The following PRKD1 variants were observed in gnomAD, a reference collection of about 807,000 sequenced individuals.
PRKD1 encodes serine/threonine-protein kinase D1.
In PRKD1, 63 loss-of-function variants were observed where a neutral mutation model predicts 95.9. That is an observed-to-expected ratio of 0.66 (90% confidence interval 0.54 to 0.81). The LOEUF is 0.81. Among genes scored for constraint, PRKD1 ranks in the 30% least tolerant of loss-of-function variants. The probability of loss-of-function intolerance (pLI) is 0.00; values close to 1 mark genes in which losing one functional copy is unlikely to be tolerated. For synonymous variants in PRKD1, 425 were observed against 423.1 expected (o/e 1.00, Z -0.05); for missense variants, 1,048 against 1,165.3 (o/e 0.90, Z 1.47).
At chr14:29,803,498 A>T (rs923465263) in intron 1 of PRKD1, among the ~76,000 whole-genome samples, 1 of 152,224 alleles carries the variant, frequency 6.6e-6, no homozygotes, top group African/African-American at 2.4e-5. Flanking sequence ...CATAGTTGGT[A>T]ACTCTGAAGG....
At chr14:29,683,791 T>C (rs990957182) in intron 2 of PRKD1, among the ~76,000 whole-genome samples, 1 of 152,248 alleles carries the variant, frequency 6.6e-6, no homozygotes, top group Non-Finnish European at 1.5e-5. Flanking sequence ...CTTTATATGT[T>C]AGATCTTATT....
chr14:29,785,717 A>C (rs1219881580), intron 1 of PRKD1, among the ~76,000 whole-genome samples: 1 of 151,730 alleles, frequency 6.6e-6, no homozygotes, highest in African/African-American at 2.4e-5. Flanking sequence ...GATATACCTA[A>C]TGCTAAATGA....
chr14:29,860,157 C>A (rs140894805), intron 1 of PRKD1, among the ~76,000 whole-genome samples: 105 of 152,330 alleles, frequency 6.9e-4, no homozygotes, highest in African/African-American at 2.4e-3. Context: ...CTACAATCTG[C>A]AAAACAAGTT....
intron 17 of PRKD1, 82 bp from the exon 18 acceptor site, chr14:29,577,538 CTA>C (rs1892600072): frequency 7.6e-7 from 1 of 1,313,724 alleles, no homozygotes; most frequent in South Asian, 1.2e-5. Flanking sequence ...TTTCTGCAAT[CTA>C]TGAGTTACCC....
chr14:29,631,116 A>C, intron 9 of PRKD1, 95 bp from the exon 10 acceptor site: 1 of 1,162,956 alleles, frequency 8.6e-7, no homozygotes, highest in Non-Finnish European at 1.2e-6. Context: ...ATGACATCAC[A>C]AATAGCCACC....
At chr14:29,773,541 A>G (rs775421889) in intron 1 of PRKD1, among the ~76,000 whole-genome samples, 15 of 151,804 alleles carry the variant, frequency 9.9e-5, no homozygotes, top group Admixed American at 2.0e-4. Context: ...TACATGATCC[A>G]TGAATTACCC....
intron 9 of PRKD1, among the ~76,000 whole-genome samples, chr14:29,632,648 G>C (rs913761434): frequency 6.6e-6 from 1 of 151,752 alleles, no homozygotes; most frequent in African/African-American, 2.4e-5. Flanking sequence ...CATGGTACCA[G>C]AAACACTCCC....
At chr14:29,746,742 C>T (rs948024914) in intron 1 of PRKD1, among the ~76,000 whole-genome samples, 2 of 152,048 alleles carry the variant, frequency 1.3e-5, no homozygotes, top group African/African-American at 2.4e-5. Context: ...ATTCAGTGAA[C>T]GAATTTTCAT....
intron 1 of PRKD1, among the ~76,000 whole-genome samples, chr14:29,838,056 CCT>C (rs777147070): frequency 2.7e-4 from 41 of 152,234 alleles, no homozygotes; most frequent in Middle Eastern, 3.4e-3. Flanking sequence ...CAAAACTCCC[CCT>C]GTTTGCATTC....
intron 4 of PRKD1, among the ~76,000 whole-genome samples, chr14:29,656,041 C>T (rs889183015): frequency 2.0e-5 from 3 of 152,070 alleles, no homozygotes; most frequent in South Asian, 2.1e-4. Context: ...CTTTGCATGC[C>T]TCTGTGGTAC....
chr14:29,598,168 C>T lies in PRKD1; in HGVS notation c.2167-410G>A, dbSNP rs531508041. On this transcript the variant is annotated intron_variant, in intron 15 of 17. Coordinates refer to ENST00000331968, the MANE Select transcript of PRKD1 (RefSeq NM_002742.3). ...GTGTGCAGCTATAGTCCCAGCTATT[C>T]GAGAGGCTGAGGTGAGAGGATTGAT... Among the ~76,000 whole-genome samples the T allele has an allele frequency of 1.4e-4, 21 of 151,750 alleles. No homozygotes were observed. The East Asian group carries it at 3.3e-3, about 24-fold the overall frequency.
At chr14:29,736,422 A>G (rs1374526719) in intron 1 of PRKD1, among the ~76,000 whole-genome samples, 1 of 152,226 alleles carries the variant, frequency 6.6e-6, no homozygotes, top group East Asian at 1.9e-4. Flanking sequence ...TTGGGGGAAC[A>G]CACTCAGAGA....
chr14:29,605,927 G>A (rs972507546), intron 13 of PRKD1, among the ~76,000 whole-genome samples: 58 of 152,226 alleles, frequency 3.8e-4, no homozygotes, highest in African/African-American at 1.2e-3. Flanking sequence ...ACAGCACATG[G>A]CTTTTTAATT....
intron 1 of PRKD1, among the ~76,000 whole-genome samples, chr14:29,752,137 A>G (rs948279112): frequency 1.3e-5 from 2 of 150,880 alleles, no homozygotes; most frequent in African/African-American, 4.8e-5. Context: ...AGATGTTAGA[A>G]AAAAAGTTCC....
intron 13 of PRKD1, among the ~76,000 whole-genome samples, chr14:29,620,894 C>G (rs563844321): frequency 6.6e-6 from 1 of 151,674 alleles, no homozygotes. Context: ...TATTGCGGCA[C>G]TATTCACAAT....
At chr14:29,837,644 A>G (rs1891662501) in intron 1 of PRKD1, among the ~76,000 whole-genome samples, 1 of 152,188 alleles carries the variant, frequency 6.6e-6, no homozygotes, top group African/African-American at 2.4e-5. Context: ...CTGATTTTAT[A>G]CCTAAAGCTT....
intron 1 of PRKD1, among the ~76,000 whole-genome samples, chr14:29,861,610 C>A (rs532393305): frequency 6.6e-6 from 1 of 152,138 alleles, no homozygotes; most frequent in Non-Finnish European, 1.5e-5. Flanking sequence ...ACTATAGTCA[C>A]CCTGTCATGC....
At chr14:29,624,627 A>T (rs1879494826) in intron 12 of PRKD1, among the ~76,000 whole-genome samples, 1 of 152,172 alleles carries the variant, frequency 6.6e-6, no homozygotes. Flanking sequence ...TAAAGTCCTG[A>T]TAAGATAATG....
intron 1 of PRKD1, among the ~76,000 whole-genome samples, chr14:29,803,583 A>G (rs201068179): frequency 2.0e-5 from 3 of 152,154 alleles, no homozygotes; most frequent in East Asian, 3.9e-4. Flanking sequence ...AGCTGTTTTA[A>G]TAAAAACAGA....
Sources: gnomAD v4.1 joint callset for allele counts (sites outside exome capture counted in the v4.1 genomes callset) on GRCh38, gnomAD v4.1.1 for gene constraint, MANE v1.5 for transcripts, NCBI Gene and HGNC (gene_info 2026-07-23, HGNC 2026-07-21) for gene names.